The following RBFOX1 variants were observed in gnomAD, a reference collection of about 807,000 sequenced individuals.
RBFOX1 encodes the protein RNA binding protein fox-1 homolog 1.
Under a neutral mutation model 57.7 loss-of-function variants are expected in RBFOX1, and 8 were observed. That is an observed-to-expected ratio of 0.14 (90% CI 0.08 to 0.25). The LOEUF is 0.25. Ranked by LOEUF, RBFOX1 falls within the 10% of genes least tolerant of loss-of-function variation. RBFOX1 has a pLI of 1.00. For synonymous variants in RBFOX1, 326 were observed against 222.4 expected, an observed-to-expected ratio of 1.47 and a Z score of -4.15; for missense variants, 611 against 548.5, an observed-to-expected ratio of 1.11 and a Z score of -1.14.
chr16:6,449,258 C>T (rs1483823051), intron 2 of RBFOX1, among the ~76,000 whole-genome samples: 1 of 152,196 alleles, frequency 6.6e-6, no homozygotes, highest in Non-Finnish European at 1.5e-5. Flanking sequence ...ATTCTGTCAT[C>T]GACTCATTCC....
intron 2 of RBFOX1, among the ~76,000 whole-genome samples, chr16:5,557,669 A>C (rs2045730576): frequency 6.6e-6 from 1 of 152,208 alleles, no homozygotes; most frequent in African/African-American, 2.4e-5. Context: ...TAGTTCTTAG[A>C]AACACTTGTA....
At chr16:5,993,597 G>A (rs776998844) in intron 4 of RBFOX1, among the ~76,000 whole-genome samples, 3 of 152,092 alleles carry the variant, frequency 2.0e-5, no homozygotes, top group Non-Finnish European at 4.4e-5. Context: ...CTTCTCTGAT[G>A]TTCTCAGGTT....
chr16:7,145,230 A>G (rs1356240431), intron 4 of RBFOX1, among the ~76,000 whole-genome samples: 1 of 151,852 alleles, frequency 6.6e-6, no homozygotes, highest in African/African-American at 2.4e-5. Context: ...TTTGAGATGG[A>G]GTCTTGCTCT....
intron 4 of RBFOX1, among the ~76,000 whole-genome samples, chr16:7,377,627 G>A (rs2097708445): frequency 6.6e-6 from 1 of 152,174 alleles, no homozygotes; most frequent in African/African-American, 2.4e-5. Context: ...TATAGCGCTT[G>A]AATGTCTGAA....
At chr16:5,960,091 C>T (rs934308972) in intron 4 of RBFOX1, among the ~76,000 whole-genome samples, 1 of 152,026 alleles carries the variant, frequency 6.6e-6, no homozygotes, top group South Asian at 2.1e-4. Context: ...ATCCCAGCTA[C>T]TTAGGAGGCC....
chr16:7,368,577 G>A (rs559182523), intron 4 of RBFOX1, among the ~76,000 whole-genome samples: 1 of 152,006 alleles, frequency 6.6e-6, no homozygotes, highest in African/African-American at 2.4e-5. Flanking sequence ...AGGAGATCAA[G>A]ACCATCCTGG....
chr16:5,254,235 C>A (rs2151084690), intron 1 of RBFOX1, among the ~76,000 whole-genome samples: 1 of 152,296 alleles, frequency 6.6e-6, no homozygotes, highest in Middle Eastern at 3.4e-3. Flanking sequence ...AGCCACCTGG[C>A]TGGTCGCTGG....
At chr16:6,758,825 T>G (rs1028532643) in intron 3 of RBFOX1, among the ~76,000 whole-genome samples, 2 of 152,182 alleles carry the variant, frequency 1.3e-5, no homozygotes, top group African/African-American at 4.8e-5. Context: ...AAAAAGAAAC[T>G]TTAACTCTGG....
chr16:5,526,376 C>T (rs925869136), intron 2 of RBFOX1, among the ~76,000 whole-genome samples: 1 of 152,150 alleles, frequency 6.6e-6, no homozygotes, highest in Admixed American at 6.6e-5. Context: ...GCAACCCCTG[C>T]CTCCCGGGGT....
At chr16:6,615,844 T>G (rs188970796) in intron 2 of RBFOX1, among the ~76,000 whole-genome samples, 2 of 152,304 alleles carry the variant, frequency 1.3e-5, no homozygotes, top group Admixed American at 1.3e-4. Flanking sequence ...AGGCACTGTC[T>G]GCTTGGCACG....
intron 2 of RBFOX1, among the ~76,000 whole-genome samples, chr16:6,447,016 A>T (rs1017871616): frequency 1.3e-5 from 2 of 152,178 alleles, no homozygotes; most frequent in Non-Finnish European, 2.9e-5. Flanking sequence ...ACTCTTTGTC[A>T]TTTTAATGAA....
chr16:6,889,896 C>G (rs1447691332), intron 3 of RBFOX1, among the ~76,000 whole-genome samples: 2 of 152,178 alleles, frequency 1.3e-5, no homozygotes, highest in Non-Finnish European at 2.9e-5. Context: ...TTTCTTTTAA[C>G]ACATTGTATA....
At chr16:6,241,401 G>A (rs2152926692) in intron 1 of RBFOX1, among the ~76,000 whole-genome samples, 1 of 152,228 alleles carries the variant, frequency 6.6e-6, no homozygotes, top group Admixed American at 6.5e-5. Context: ...CGTGCTCATG[G>A]TACTTAATAA....
chr16:5,612,774 C>A (rs1487029259), intron 3 of RBFOX1, among the ~76,000 whole-genome samples: 1 of 152,190 alleles, frequency 6.6e-6, no homozygotes, highest in Non-Finnish European at 1.5e-5. Context: ...CCAGTGAGGC[C>A]AGGCCGTGGT....
chr16:7,036,576 C>G (rs2044493077), intron 3 of RBFOX1, among the ~76,000 whole-genome samples: 4 of 151,994 alleles, frequency 2.6e-5, no homozygotes, highest in Non-Finnish European at 5.9e-5. Context: ...GCCCATAATC[C>G]CAACTATTCG....
At chr16:5,941,135 G>A (rs1399305678) in intron 4 of RBFOX1, among the ~76,000 whole-genome samples, 2 of 152,052 alleles carry the variant, frequency 1.3e-5, no homozygotes, top group Non-Finnish European at 2.9e-5. Flanking sequence ...TTAACAAAAA[G>A]CGTTCAAATA....
intron 1 of RBFOX1, among the ~76,000 whole-genome samples, chr16:6,084,787 AG>A (rs1421538944): frequency 1.6e-4 from 9 of 56,724 alleles, no homozygotes; most frequent in Admixed American, 3.5e-4. Context: ...TATGTTTTGC[AG>A]GACAAACGTC....
At chr16:6,568,619 G>A in intron 2 of RBFOX1, among the ~76,000 whole-genome samples, 1 of 152,126 alleles carries the variant, frequency 6.6e-6, no homozygotes, top group South Asian at 2.1e-4. Flanking sequence ...CCATCTTGGG[G>A]GTTCATTCTC....
intron 2 of RBFOX1, among the ~76,000 whole-genome samples, chr16:5,591,016 A>T (rs955827710): frequency 2.3e-4 from 33 of 141,078 alleles, no homozygotes; most frequent in African/African-American, 6.7e-4. Flanking sequence ...TGAGCTAAAC[A>T]TTTTTTTTTT....
Sources: allele counts gnomAD v4.1 joint callset (sites outside exome capture counted in the v4.1 genomes callset), GRCh38; gene constraint gnomAD v4.1.1; transcripts MANE v1.5; gene names NCBI Gene and HGNC (gene_info 2026-07-23, HGNC 2026-07-21).